The following WDR4 variants were observed in gnomAD, a reference collection of about 807,000 sequenced individuals.
The protein encoded by WDR4 is tRNA (guanine-N(7)-)-methyltransferase non-catalytic subunit WDR4.
WDR4 carries 47 observed loss-of-function variants against 48.6 expected under a neutral mutation model. The ratio of observed to expected loss-of-function variants is 0.97; its 90% CI spans 0.77 to 1.23. The LOEUF is 1.23. Ranked by LOEUF, WDR4 falls within the 50% of genes most tolerant of loss-of-function variation. The pLI, the probability that WDR4 is intolerant of heterozygous loss-of-function variation, is 0.00. For synonymous variants in WDR4, 268 were observed against 230.0 expected, an observed-to-expected ratio of 1.17 and a Z score of -1.49; for missense variants, 606 against 551.6, an observed-to-expected ratio of 1.10 and a Z score of -0.99.
Position 42,850,131 on chromosome 21 carries a change from T to C in WDR4, c.1157A>G (p.Lys386Arg). The part of the protein sequence containing the change: ...EERLQQQLEK[K>R]QRRRSPPPGP... ...AGGCGGGGGACTCCGGCGCCGCTGC[T>C]TCTTCTCTAGCTGCTGCTGCAGTCT... Residue 386 changes from lysine (K) to arginine (R), a missense_variant, in exon 11 of 11, where the codon AAG (lysine) becomes AGG (arginine). Coordinates refer to ENST00000398208, the MANE Select transcript of WDR4 (RefSeq NM_018669.6). The C allele has an allele frequency of 1.2e-6, 2 of 1,614,086 alleles. No individual in the cohort carries two copies. The highest frequency in any genetic ancestry group is 1.7e-6 in the Non-Finnish European group (2 of 1,179,984).
intron 1 of WDR4, chr21:42,878,975 A>G: frequency 2.0e-6 from 2 of 997,542 alleles, no homozygotes; most frequent in Non-Finnish European, 2.4e-6. Context: ...GCAGTGAGTA[A>G]GCCCCTCCCT....
chr21:42,865,329 T>C (rs1170034987), intron 3 of WDR4, among the ~76,000 whole-genome samples: 2 of 152,132 alleles, frequency 1.3e-5, no homozygotes, highest in African/African-American at 4.8e-5. Flanking sequence ...CAGCCCCCAA[T>C]GTCCGATGGG....
At chr21:42,875,915 G>GT (rs1569337249) in intron 2 of WDR4, among the ~76,000 whole-genome samples, 1 of 68,224 alleles carries the variant, frequency 1.5e-5, no homozygotes, top group African/African-American at 9.1e-5. Flanking sequence ...CTAACACTGT[G>GT]CTTTTTTTTT....
chr21:42,870,518 T>G (rs1174484465), intron 3 of WDR4, among the ~76,000 whole-genome samples: 1 of 152,198 alleles, frequency 6.6e-6, no homozygotes, highest in African/African-American at 2.4e-5. Flanking sequence ...CCAGGCGCAG[T>G]GGCTCACTCC....
At position 42,863,429 on chromosome 21, in the gene WDR4, C is replaced by T. The variant is rs760796842; in HGVS notation, c.453+11G>A. On this transcript the variant is annotated intron_variant, in intron 4 of 10. Transcript: ENST00000398208. ...CTGCCATGTCCCCCACCTACCACGT[C>T]CCCCACCTACCACATCTAACAGCAT... 2 of 1,606,056 alleles carry T rather than the reference C, an allele frequency of 1.2e-6. No homozygotes were observed. Among genetic ancestry groups the T allele is most frequent in the Admixed American group, 1.7e-5 (1 of 59,022 alleles).
rs141772606 is a variant in WDR4 at position 42,858,949 on chromosome 21, C to T, written c.627+713G>A. 4.6e-5 allele frequency among the ~76,000 whole-genome samples: 7 copies of T among 152,262 alleles called. No individual in the cohort carries two copies. The East Asian group carries it at 1.4e-3, about 29-fold the overall frequency. On this transcript the variant is annotated intron_variant, in intron 6 of 10. Transcript: ENST00000398208. ...GGTGGTGGTGTGCGGGCAACAATTC[C>T]GCAAGAGGACAGAATCAGACCCTGT...
intron 6 of WDR4, among the ~76,000 whole-genome samples, chr21:42,856,421 G>A (rs1012074814): frequency 1.3e-5 from 2 of 152,170 alleles, no homozygotes; most frequent in African/African-American, 2.4e-5. Context: ...TTGAAATGGG[G>A]TCTATTCCAC....
At chr21:42,846,699 T>C (rs1396887052), downstream of WDR4, among the ~76,000 whole-genome samples, 3 of 150,304 alleles carry the variant, frequency 2.0e-5, no homozygotes, top group Non-Finnish European at 4.4e-5. Flanking sequence ...GGTGACAGAG[T>C]GAGACCGTCT....
At chr21:42,866,727 C>T (rs921525782) in intron 3 of WDR4, among the ~76,000 whole-genome samples, 4 of 152,094 alleles carry the variant, frequency 2.6e-5, no homozygotes, top group African/African-American at 4.8e-5. Flanking sequence ...CAAACCTACT[C>T]CTCCTGCCAC....
chr21:42,888,990 C>A, the WDR4 span, among the ~76,000 whole-genome samples: 1 of 151,314 alleles, frequency 6.6e-6, no homozygotes, highest in Admixed American at 6.6e-5. Context: ...AGGCATGAGC[C>A]ACTATGCCCA....
At chr21:42,865,217 A>G (rs1404045897) in intron 3 of WDR4, among the ~76,000 whole-genome samples, 2 of 152,226 alleles carry the variant, frequency 1.3e-5, no homozygotes, top group Non-Finnish European at 2.9e-5. Context: ...ACACAGAGAA[A>G]ACAAGGACAA....
At chr21:42,873,786 G>A in intron 2 of WDR4, 95 bp from the exon 3 acceptor site, 1 of 1,468,988 alleles carries the variant, frequency 6.8e-7, no homozygotes, top group South Asian at 1.3e-5. Context: ...CATGGGAGGA[G>A]GTAGAAACTG....
chr21:42,853,925 C>T (rs1186291919), intron 8 of WDR4, among the ~76,000 whole-genome samples, 173 bp from the exon 9 acceptor site: 7 of 152,176 alleles, frequency 4.6e-5, no homozygotes, highest in South Asian at 2.1e-4. Flanking sequence ...CATGGGGTGA[C>T]GTACACTTTT....
At chr21:42,845,559 G>A (rs2057703823), downstream of WDR4, among the ~76,000 whole-genome samples, 1 of 152,170 alleles carries the variant, frequency 6.6e-6, no homozygotes, top group African/African-American at 2.4e-5. Flanking sequence ...TTTTGGTAAG[G>A]TGGCCTCAGA....
chr21:42,882,126 C>A (rs2058614267), upstream of WDR4, among the ~76,000 whole-genome samples: 1 of 151,800 alleles, frequency 6.6e-6, no homozygotes, highest in Non-Finnish European at 1.5e-5. Context: ...AACTCCTGAC[C>A]TCAGGTGATC....
chr21:42,860,232 G>A (rs970799471), intron 5 of WDR4, among the ~76,000 whole-genome samples: 1 of 152,220 alleles, frequency 6.6e-6, no homozygotes, highest in Non-Finnish European at 1.5e-5. Context: ...TCAGGGTCCT[G>A]ACGGCCCCTC....
At chr21:42,844,283 TGAC>T (rs2057691735), downstream of WDR4, among the ~76,000 whole-genome samples, 1 of 152,004 alleles carries the variant, frequency 6.6e-6, no homozygotes, top group Non-Finnish European at 1.5e-5. Context: ...CTACAAATCT[TGAC>T]AAACCCCCAA....
intron 5 of WDR4, among the ~76,000 whole-genome samples, chr21:42,860,413 G>C (rs1473640974): frequency 6.6e-6 from 1 of 152,246 alleles, no homozygotes; most frequent in Non-Finnish European, 1.5e-5. Flanking sequence ...ACCCATCTTG[G>C]CTCGGGCACC....
At chr21:42,854,720 A>C in intron 7 of WDR4, 94 bp from the exon 8 acceptor site, 1 of 1,155,270 alleles carries the variant, frequency 8.7e-7, no homozygotes. Context: ...AAGGACGCTC[A>C]CGCCCCCACA....
Sources: allele counts gnomAD v4.1 joint callset (sites outside exome capture counted in the v4.1 genomes callset), GRCh38; gene constraint gnomAD v4.1.1; transcripts MANE v1.5; gene names NCBI Gene and HGNC (gene_info 2026-07-23, HGNC 2026-07-21).